CYP4F22: variants seen among roughly 807,000 people sequenced by gnomAD.
The protein encoded by CYP4F22 is ultra-long-chain fatty acid omega-hydroxylase.
In CYP4F22, 37 loss-of-function variants were observed where a neutral mutation model predicts 60.4. The observed-to-expected ratio is 0.61, with a 90% CI of 0.47 to 0.81. CYP4F22 has a LOEUF of 0.81. Among genes scored for constraint, CYP4F22 ranks in the 30% least tolerant of loss-of-function variants. The pLI, the probability that CYP4F22 is intolerant of heterozygous loss-of-function variation, is 0.00. For synonymous variants in CYP4F22, 258 were observed against 280.5 expected (o/e 0.92, Z 0.80); for missense variants, 655 against 715.0 (o/e 0.92, Z 0.96).
At chr19:15,534,669 C>A (rs1971377335) in intron 4 of CYP4F22, among the ~76,000 whole-genome samples, 1 of 152,088 alleles carries the variant, frequency 6.6e-6, no homozygotes, top group Admixed American at 6.6e-5. Flanking sequence ...TGGACACAGA[C>A]TTTCCTGGCA....
At chr19:15,514,689 A>AAAAG (rs910054723) in intron 1 of CYP4F22, among the ~76,000 whole-genome samples, 5 of 151,952 alleles carry the variant, frequency 3.3e-5, no homozygotes, top group Admixed American at 1.3e-4. Flanking sequence ...GAAAGAAAGA[A>AAAAG]AAAGAAAGAA....
intron 4 of CYP4F22, among the ~76,000 whole-genome samples, chr19:15,532,148 G>C (rs1017496807): frequency 1.3e-5 from 2 of 151,522 alleles, no homozygotes; most frequent in Admixed American, 6.6e-5. Context: ...CATTAGTAAG[G>C]GTTTCTCTTC....
chr19:15,538,548 T>C (rs905376822), intron 7 of CYP4F22, among the ~76,000 whole-genome samples: 2 of 152,186 alleles, frequency 1.3e-5, no homozygotes, highest in Non-Finnish European at 2.9e-5. Context: ...CCTGGCACCA[T>C]GATATTGCTG....
chr19:15,539,952 T>C (rs900643663), intron 7 of CYP4F22, among the ~76,000 whole-genome samples: 1 of 152,236 alleles, frequency 6.6e-6, no homozygotes, highest in Non-Finnish European at 1.5e-5. Context: ...AAATGCCTAT[T>C]CATATCCATT....
chr19:15,525,236 C>T (rs1380977094), intron 2 of CYP4F22, 100 bp from the exon 3 acceptor site: 7 of 1,156,820 alleles, frequency 6.1e-6, no homozygotes, highest in Admixed American at 3.9e-5. Context: ...CTGGAACTCA[C>T]GTGTGCTGGG....
chr19:15,535,625 C>T lies in CYP4F22; in HGVS notation c.368-1736C>T, dbSNP rs117922489. Among the ~76,000 whole-genome samples the T allele has an allele frequency of 1.2e-3, 189 of 152,138 alleles. 1 individual carries two copies. Among genetic ancestry groups the T allele is most frequent in the Middle Eastern group, 3.4e-3 (1 of 294 alleles). On this transcript the variant is annotated intron_variant, in intron 4 of 13. Coordinates refer to ENST00000269703, the MANE Select transcript of CYP4F22 (RefSeq NM_173483.4). ...CCTATCCACTCATTCATCCATCCAT[C>T]CACTCATCCATCCATCCACCATCCA... is the stretch of plus-strand genomic sequence containing the variant.
chr19:15,551,989 G>T lies in CYP4F22; in HGVS notation c.*518G>T, dbSNP rs1971605471. On this transcript the variant is annotated 3_prime_UTR_variant, in exon 14 of 14. Coordinates refer to ENST00000269703, the MANE Select transcript of CYP4F22 (RefSeq NM_173483.4). ...TTTAACTCGGACATCACCCTCCTGA[G>T]GCCCTCAGCTCATACGGGCAGACTG... The T allele has an allele frequency of 1.2e-5, 2 of 164,234 alleles. No homozygotes were observed. The highest frequency in any genetic ancestry group is 2.4e-5 in the African/African-American group (1 of 41,244). The allele number at this position is 164,234 out of a possible 1,614,324, so 10.2% of individuals were successfully genotyped here. A position where few individuals can be genotyped will look rare whatever the true frequency, so the allele number is the denominator to read the frequency against.
chr19:15,551,741 G>C lies in CYP4F22; in HGVS notation c.*270G>C. ...CTGTCCTGTTTGAGGGACCAGGGTC[G>C]ACCCTGCCCCCTTGGGCTCAGGCCC... is the stretch of plus-strand genomic sequence containing the variant. On this transcript the variant is annotated 3_prime_UTR_variant, in exon 14 of 14. Coordinates refer to ENST00000269703, the MANE Select transcript of CYP4F22 (RefSeq NM_173483.4). 1.8e-6 allele frequency: 1 copy of C among 556,478 alleles called. No homozygotes were observed. The allele number at this position is 556,478 out of a possible 1,614,324, so 34.5% of individuals were successfully genotyped here.
intron 3 of CYP4F22, among the ~76,000 whole-genome samples, chr19:15,526,167 T>C (rs1386910543): frequency 1.3e-5 from 2 of 151,300 alleles, no homozygotes; most frequent in East Asian, 3.9e-4. Context: ...CCTGTCTCTC[T>C]AAGGAAAAAA....
Position 15,525,546 on chromosome 19 carries a change from C to T in CYP4F22, c.210C>T (p.Gly70=), listed in dbSNP as rs1044324882. ...CTCCCCGGCGCAACTGGCTGCTGGG[C>T]CACCTGGGCATGGTAAGTGTGGCCA... is the stretch of plus-strand genomic sequence containing the variant. ...PQPPRRNWLL[G]HLGMYLPNEA... is the part of the protein sequence containing the mutation. Residue 70 remains glycine, a synonymous_variant, in exon 3 of 14, where the codon GGC becomes GGT. Coordinates refer to ENST00000269703, the MANE Select transcript of CYP4F22 (RefSeq NM_173483.4). 7 of 1,608,646 alleles carry T rather than the reference C, an allele frequency of 4.4e-6. No homozygotes were observed. The highest frequency in any genetic ancestry group is 5.9e-6 in the Non-Finnish European group (7 of 1,179,808).
At chr19:15,529,919 G>T in intron 4 of CYP4F22, 66 bp downstream of exon 4, 2 of 1,607,104 alleles carry the variant, frequency 1.2e-6, no homozygotes, top group Non-Finnish European at 1.7e-6. Context: ...TGAGATTCTA[G>T]GCAGGTGGGA....
At chr19:15,523,333 C>T (rs184397961) in intron 1 of CYP4F22, among the ~76,000 whole-genome samples, 71 of 152,220 alleles carry the variant, frequency 4.7e-4, no homozygotes, top group Admixed American at 1.4e-3. Context: ...GCACTTCAGC[C>T]TGGGCAACAA....
At chr19:15,517,295 A>G (rs1174413299) in intron 1 of CYP4F22, among the ~76,000 whole-genome samples, 1 of 152,168 alleles carries the variant, frequency 6.6e-6, no homozygotes, top group East Asian at 1.9e-4. Context: ...ACCTCTTGTC[A>G]TGATTCCCAT....
Position 15,525,512 on chromosome 19 carries a change from TC to T in CYP4F22, c.181del (p.Gln61SerfsTer76). Reference protein sequence around the residue: ...FYITCRRLRCFPQPPRRNWLL... With the variant: ...FYITCRRLRCXPQPPRRNWLL... Reference sequence around the variant, plus strand: ...ATCACCTGCCGCCGGCTGCGCTGCTTCCCCCAGCCTCCCCGGCGCAACTGGC... The same window carrying T: ...ATCACCTGCCGCCGGCTGCGCTGCTTCCCCAGCCTCCCCGGCGCAACTGGC... On this transcript the variant is annotated frameshift_variant, in exon 3 of 14. Coordinates refer to ENST00000269703, the MANE Select transcript of CYP4F22 (RefSeq NM_173483.4). LOFTEE classifies it high-confidence loss of function. 3 of 1,612,348 alleles carry T rather than the reference TC, an allele frequency of 1.9e-6. No individual in the cohort carries two copies. Among genetic ancestry groups the T allele is most frequent in the Non-Finnish European group, 8.5e-7 (1 of 1,179,864 alleles).
chr19:15,511,338 A>C (rs1461980709), intron 1 of CYP4F22, among the ~76,000 whole-genome samples: 1 of 151,862 alleles, frequency 6.6e-6, no homozygotes, highest in South Asian at 2.1e-4. Flanking sequence ...AGGCGCCTGT[A>C]GTCCCAGCTA....
At position 15,510,506 on chromosome 19, in the gene CYP4F22, C is replaced by T. The variant is rs542815995; in HGVS notation, c.-109+1923C>T. On this transcript the variant is annotated intron_variant, in intron 1 of 13. Transcript: ENST00000269703. Reference sequence around the variant, plus strand: ...AGAGGTGCAGACACTCACCCGAGGTCGCACAGCAAAGAGGCAGACCTTTAT... The same window carrying T: ...AGAGGTGCAGACACTCACCCGAGGTTGCACAGCAAAGAGGCAGACCTTTAT... Among the ~76,000 whole-genome samples, 254 of 152,190 alleles carry T rather than the reference C, an allele frequency of 1.7e-3. 9 individuals are homozygous for T. The South Asian group carries it at 0.051, about 30-fold the overall frequency.
chr19:15,542,746 C>CT (rs35406512), intron 8 of CYP4F22, among the ~76,000 whole-genome samples: 117,057 of 151,822 alleles, frequency 0.77, 45,292 homozygotes, highest in East Asian at 0.91. Context: ...TGTTGTTTCC[C>CT]CCCTGTGTCC....
intron 2 of CYP4F22, among the ~76,000 whole-genome samples, chr19:15,525,129 A>C (rs189357290): frequency 2.0e-5 from 3 of 152,288 alleles, no homozygotes; most frequent in Non-Finnish European, 2.9e-5. Context: ...GCCTTGTAAA[A>C]GTCAAGGCTG....
rs536145027 is a variant in CYP4F22, at chr19:15,512,819, A to G, written c.-109+4236A>G. 2.6e-5 allele frequency among the ~76,000 whole-genome samples: 4 copies of G among 151,912 alleles called. No homozygotes were observed. In the South Asian group the frequency reaches 8.5e-4, roughly 32 times the overall value. On this transcript the variant is annotated intron_variant, in intron 1 of 13. Coordinates refer to ENST00000269703, the MANE Select transcript of CYP4F22 (RefSeq NM_173483.4). ...TTTGTGTCATGCAGTAAACTAATGA[A>G]TTTTTATAATTGATTCAATTTTTTT...
Sources: allele counts gnomAD v4.1 joint callset (sites outside exome capture counted in the v4.1 genomes callset), GRCh38; gene constraint gnomAD v4.1.1; transcripts MANE v1.5; gene names NCBI Gene and HGNC (gene_info 2026-07-23, HGNC 2026-07-21).